PAICS: variants seen among roughly 807,000 people sequenced by gnomAD.
PAICS encodes phosphoribosylaminoimidazole carboxylase and phosphoribosylaminoimidazolesuccinocarboxamide synthase.
PAICS carries 33 observed loss-of-function variants against 53.7 expected under a neutral mutation model. The ratio of observed to expected loss-of-function variants is 0.61; its 90% CI spans 0.47 to 0.82. PAICS has a LOEUF of 0.82. Among genes scored for constraint, PAICS ranks in the 40% least tolerant of loss-of-function variants. The pLI, the probability that PAICS is intolerant of heterozygous loss-of-function variation, is 0.00. For missense variants in PAICS, 394 were observed against 494.1 expected (o/e 0.80, Z 1.92); for synonymous variants, 141 against 167.2 (o/e 0.84, Z 1.21).
At chr4:56,435,748 A>G (rs1717886389), upstream of PAICS, 5 of 1,488,224 alleles carry the variant, frequency 3.4e-6, no homozygotes, top group Admixed American at 2.0e-5. Flanking sequence ...TGTAGGGTGG[A>G]GCTAGCCTTC....
At chr4:56,437,656 A>G (rs1278622989) in intron 1 of PAICS, among the ~76,000 whole-genome samples, 2 of 151,798 alleles carry the variant, frequency 1.3e-5, no homozygotes, top group African/African-American at 4.8e-5. Flanking sequence ...CCCCGGCTCT[A>G]CTAAAAATGC....
chr4:56,450,827 G>GT (rs1268003564), intron 6 of PAICS, 125 bp downstream of exon 6: 157 of 620,904 alleles, frequency 2.5e-4, no homozygotes, highest in East Asian at 3.2e-4. Context: ...TTTTGTTGTT[G>GT]TTTTTTTTGA....
rs544317948 is a variant in PAICS, at chr4:56,452,234, A to G, written c.952+182A>G. On this transcript the variant is annotated intron_variant, in intron 7 of 8. Coordinates refer to ENST00000512576, the MANE Select transcript of PAICS (RefSeq NM_001079524.2). ...CACTCTGTCGCCCAGGCTGGAGTAC[A>G]GTGGCGCCATCTCAGCTCACTGCAA... 3.7e-4 allele frequency among the ~76,000 whole-genome samples: 56 copies of G among 152,270 alleles called. 1 individual carries two copies. Among genetic ancestry groups the G allele is most frequent in the Non-Finnish European group, 5.9e-4 (40 of 68,024 alleles).
Position 56,450,680 on chromosome 4 carries a change from A to T in PAICS, c.749A>T (p.Glu250Val). The T allele has an allele frequency of 1.3e-6, 2 of 1,525,330 alleles. No homozygotes were observed. The highest frequency in any genetic ancestry group is 1.8e-6 in the Non-Finnish European group (2 of 1,119,388). The allele number at this position is 1,525,330 out of a possible 1,614,324, so 94.5% of individuals were successfully genotyped here. ...CTCCAAATGGTAAAGAAAAACTTTG[A>T]GTGGGTTGCAGAGAGAGTAGAGGTA... The part of the protein sequence containing the change: ...EGLQMVKKNF[E>V]WVAERVELLL... Residue 250 changes from glutamate to valine, a missense_variant, in exon 6 of 9, where the codon GAG becomes GTG. This residue lies in a region of PAICS where 131 missense variants were observed against 205.5 expected (regional missense o/e 0.64). Transcript: ENST00000512576.
intron 8 of PAICS, among the ~76,000 whole-genome samples, chr4:56,456,607 G>C (rs1251738861): frequency 6.6e-6 from 1 of 150,970 alleles, no homozygotes; most frequent in Non-Finnish European, 1.5e-5. Context: ...TGGGCACTCC[G>C]TATGTTGTCC....
At chr4:56,416,156 C>T in the PAICS span, among the ~76,000 whole-genome samples, 1 of 151,942 alleles carries the variant, frequency 6.6e-6, no homozygotes, top group Admixed American at 6.6e-5. Context: ...TCTAGCAGAA[C>T]TTCAAAATGG....
intron 5 of PAICS, 37 bp downstream of exon 5, chr4:56,448,860 A>T (rs1251092075): frequency 9.0e-7 from 1 of 1,112,884 alleles, no homozygotes; most frequent in African/African-American, 1.5e-5. Context: ...CCTTTTTGAG[A>T]TCAAGCTGAG....
intron 8 of PAICS, among the ~76,000 whole-genome samples, chr4:56,457,796 T>A (rs577247593): frequency 6.6e-6 from 1 of 151,862 alleles, no homozygotes; most frequent in African/African-American, 2.4e-5. Context: ...ATCACAGGCA[T>A]GCACCACCAT....
the PAICS span, among the ~76,000 whole-genome samples, chr4:56,415,705 T>C: frequency 1.6e-4 from 25 of 152,170 alleles, no homozygotes; most frequent in Admixed American, 8.5e-4. Flanking sequence ...ACCTACTCTT[T>C]TACATTACTG....
chr4:56,454,613 C>T (rs796518688), intron 8 of PAICS, among the ~76,000 whole-genome samples: 1 of 152,074 alleles, frequency 6.6e-6, no homozygotes, highest in Non-Finnish European at 1.5e-5. Flanking sequence ...AAATATATAA[C>T]AATTCATCCT....
the PAICS span, chr4:56,414,446 T>C: frequency 1.3e-5 from 2 of 152,346 alleles, no homozygotes; most frequent in East Asian, 1.9e-4. Context: ...AGCCTCAGAA[T>C]TCCTTTGGCC....
the PAICS span, among the ~76,000 whole-genome samples, chr4:56,424,935 G>A: frequency 7.9e-5 from 12 of 152,170 alleles, no homozygotes; most frequent in Non-Finnish European, 8.8e-5. Flanking sequence ...ACTTAAATAA[G>A]CATAGAAGTT....
upstream of PAICS, chr4:56,435,784 A>AT (rs1717889271): frequency 5.3e-6 from 8 of 1,510,702 alleles, no homozygotes; most frequent in South Asian, 9.4e-5. Flanking sequence ...GGAAAGCTGT[A>AT]TTTGCTGCAC....
At chr4:56,448,975 T>C (rs1343745376) in intron 5 of PAICS, among the ~76,000 whole-genome samples, 152 bp downstream of exon 5, 1 of 152,208 alleles carries the variant, frequency 6.6e-6, no homozygotes, top group Non-Finnish European at 1.5e-5. Flanking sequence ...ATGTCTCTGG[T>C]ATCCTAATAG....
chr4:56,438,268 T>C lies in PAICS; in HGVS notation c.16+1940T>C, dbSNP rs1718124297. Reference sequence around the variant, plus strand: ...CATTATATACATTTTATTTATATTATTTTTCCCAGAACATTGCTGGCTAAT... The same window carrying C: ...CATTATATACATTTTATTTATATTACTTTTCCCAGAACATTGCTGGCTAAT... On this transcript the variant is annotated intron_variant, in intron 1 of 8. Coordinates refer to ENST00000512576, the MANE Select transcript of PAICS (RefSeq NM_001079524.2). Among the ~76,000 whole-genome samples, 3 of 151,448 alleles carry C rather than the reference T, an allele frequency of 2.0e-5. No individual in the cohort carries two copies. In the South Asian group the frequency reaches 6.2e-4, roughly 32 times the overall value.
At chr4:56,417,942 C>T in the PAICS span, among the ~76,000 whole-genome samples, 10 of 150,238 alleles carry the variant, frequency 6.7e-5, no homozygotes, top group African/African-American at 1.7e-4. Flanking sequence ...CAGGTTCAAG[C>T]GATTCTCCTG....
chr4:56,411,032 G>T, the PAICS span: 1 of 652,360 alleles, frequency 1.5e-6, no homozygotes, highest in South Asian at 6.9e-5. Context: ...TCAAGACTGT[G>T]GAAAAATAAC....
At position 56,447,862 on chromosome 4, in the gene PAICS, T is replaced by C. The variant is rs543982613; in HGVS notation, c.394-556T>C. 1.1e-4 allele frequency among the ~76,000 whole-genome samples: 17 copies of C among 152,180 alleles called. No individual in the cohort carries two copies. In the East Asian group the frequency reaches 3.3e-3, roughly 29 times the overall value. On this transcript the variant is annotated intron_variant, in intron 3 of 8. Coordinates refer to ENST00000512576, the MANE Select transcript of PAICS (RefSeq NM_001079524.2). Reference sequence around the variant, plus strand: ...AATAATTGCTTTGAATTAAGGAGTATCGTAAACAAAAAATTTCTTTAGATG... The same window carrying C: ...AATAATTGCTTTGAATTAAGGAGTACCGTAAACAAAAAATTTCTTTAGATG...
intron 2 of PAICS, among the ~76,000 whole-genome samples, chr4:56,445,475 T>TA (rs1718565672): frequency 6.6e-6 from 1 of 152,022 alleles, no homozygotes; most frequent in Non-Finnish European, 1.5e-5. Context: ...TAATCCCAGC[T>TA]ACTCAGGAGG....
Sources: gnomAD v4.1 joint callset for allele counts (sites outside exome capture counted in the v4.1 genomes callset) on GRCh38, gnomAD v4.1.1 for gene constraint, gnomAD v4.1.1 regional missense constraint, MANE v1.5 for transcripts, NCBI Gene and HGNC (gene_info 2026-07-23, HGNC 2026-07-21) for gene names.